Variants in SYNPR observed in about 807,000 individuals in gnomAD.
SYNPR encodes the protein synaptoporin.
A neutral mutation model predicts 32.9 loss-of-function variants in SYNPR; 23 were observed. The observed-to-expected ratio is 0.70, with a 90% confidence interval of 0.50 to 0.99. The LOEUF is 0.99. Among genes scored for constraint, SYNPR ranks in the 50% least tolerant of loss-of-function variants. SYNPR has a pLI of 0.00. For missense variants in SYNPR, 318 were observed against 349.3 expected, an observed-to-expected ratio of 0.91 and a Z score of 0.71; for synonymous variants, 146 against 135.9, an observed-to-expected ratio of 1.07 and a Z score of -0.52.
At chr3:63,285,752 T>C (rs2086674555) in intron 2 of SYNPR, among the ~76,000 whole-genome samples, 1 of 152,214 alleles carries the variant, frequency 6.6e-6, no homozygotes, top group Admixed American at 6.5e-5. Flanking sequence ...TATTTTTTAC[T>C]AGCTTTGTTA....
intron 2 of SYNPR, among the ~76,000 whole-genome samples, chr3:63,420,206 C>T (rs539532421): frequency 6.6e-6 from 1 of 152,104 alleles, no homozygotes; most frequent in Non-Finnish European, 1.5e-5. Flanking sequence ...TTTCAGGTAT[C>T]CTGGTAAATT....
chr3:63,334,544 G>C (rs895879038), intron 2 of SYNPR, among the ~76,000 whole-genome samples: 3 of 123,838 alleles, frequency 2.4e-5, no homozygotes, highest in Non-Finnish European at 5.5e-5. Context: ...GTGTGTGTGT[G>C]TGTGTGTGTG....
At chr3:63,208,578 A>G in the SYNPR span, among the ~76,000 whole-genome samples, 1 of 152,178 alleles carries the variant, frequency 6.6e-6, no homozygotes, top group East Asian at 1.9e-4. Context: ...TGTTTTGGAG[A>G]TGTCTGGTAT....
chr3:63,559,070 C>CTTTT (rs34219166), intron 4 of SYNPR, among the ~76,000 whole-genome samples: 1 of 126,176 alleles, frequency 7.9e-6, no homozygotes, highest in Non-Finnish European at 1.7e-5. Flanking sequence ...TCAATACTTT[C>CTTTT]TTTTTTTTTT....
At chr3:63,387,001 A>T (rs996331040) in intron 2 of SYNPR, among the ~76,000 whole-genome samples, 1 of 152,214 alleles carries the variant, frequency 6.6e-6, no homozygotes, top group Non-Finnish European at 1.5e-5. Flanking sequence ...CTCTGGGATC[A>T]GTTTGTTATT....
intron 2 of SYNPR, among the ~76,000 whole-genome samples, chr3:63,356,940 T>C (rs940086260): frequency 6.6e-6 from 1 of 152,200 alleles, no homozygotes; most frequent in Non-Finnish European, 1.5e-5. Context: ...CAGGCTGTAA[T>C]CTTGCCTGTT....
chr3:63,442,217 C>G (rs940803430), intron 2 of SYNPR, among the ~76,000 whole-genome samples: 9 of 132,404 alleles, frequency 6.8e-5, no homozygotes, highest in South Asian at 6.7e-4. Context: ...GAGAAGGAGA[C>G]AGAGATACAA....
intron 2 of SYNPR, among the ~76,000 whole-genome samples, chr3:63,442,592 T>C (rs1026640620): frequency 1.3e-5 from 2 of 152,232 alleles, no homozygotes; most frequent in Admixed American, 6.5e-5. Flanking sequence ...AACTCCTTCC[T>C]ACAGAGGTTT....
intron 2 of SYNPR, among the ~76,000 whole-genome samples, chr3:63,458,482 T>C (rs1272659424): frequency 6.6e-6 from 1 of 152,106 alleles, no homozygotes; most frequent in African/African-American, 2.4e-5. Context: ...ATTGGACCCC[T>C]TACCTGTCAT....
At chr3:63,590,801 C>A (rs1471305380) in intron 4 of SYNPR, among the ~76,000 whole-genome samples, 1 of 122,952 alleles carries the variant, frequency 8.1e-6, no homozygotes, top group Non-Finnish European at 1.7e-5. Flanking sequence ...ATACAAAAAT[C>A]AATTCAAGAT....
upstream of SYNPR, among the ~76,000 whole-genome samples, chr3:63,277,246 ATATTAT>A (rs958224116): frequency 1.3e-5 from 2 of 152,142 alleles, no homozygotes; most frequent in East Asian, 3.9e-4. Context: ...AATGGGAATA[ATATTAT>A]TATTAACTTA....
chr3:63,371,746 G>A (rs1278019278), intron 2 of SYNPR, among the ~76,000 whole-genome samples: 8 of 152,190 alleles, frequency 5.3e-5, no homozygotes, highest in Admixed American at 1.3e-4. Context: ...CCTGGACCTC[G>A]GACTCTAGCA....
intron 2 of SYNPR, among the ~76,000 whole-genome samples, chr3:63,253,366 C>T (rs1038388469): frequency 3.3e-5 from 5 of 152,144 alleles, no homozygotes; most frequent in South Asian, 2.1e-4. Context: ...CCAAAACAAA[C>T]TCTTGAATGT....
chr3:63,415,490 A>T (rs908173121), intron 2 of SYNPR, among the ~76,000 whole-genome samples: 3 of 152,184 alleles, frequency 2.0e-5, no homozygotes, highest in African/African-American at 7.2e-5. Flanking sequence ...CATATGTGAC[A>T]GTTTTTTTCT....
chr3:63,436,422 A>G (rs1474908334), intron 2 of SYNPR, among the ~76,000 whole-genome samples: 3 of 143,538 alleles, frequency 2.1e-5, no homozygotes, highest in Non-Finnish European at 3.0e-5. Context: ...TATGAGTGAG[A>G]ACATGTGGTG....
At chr3:63,524,724 T>G (rs1262992998) in intron 3 of SYNPR, among the ~76,000 whole-genome samples, 1 of 152,130 alleles carries the variant, frequency 6.6e-6, no homozygotes, top group Non-Finnish European at 1.5e-5. Context: ...AAGAAGTTTC[T>G]CCTTAAGAAA....
rs73118721 is a variant in SYNPR at position 63,530,940 on chromosome 3, T to C, written c.210-25603T>C. Among the ~76,000 whole-genome samples, 591 of 152,212 alleles carry C rather than the reference T, an allele frequency of 3.9e-3. 3 individuals carry two copies. The highest frequency in any genetic ancestry group is 7.1e-3 in the Non-Finnish European group (482 of 68,020). On this transcript the variant is annotated intron_variant, in intron 3 of 5. Coordinates refer to ENST00000478300, the MANE Select transcript of SYNPR (RefSeq NM_001130003.2). ...CCCAGGCTTTGTGGGGGAGTTTTCATTTGAGCTGAATTTGAATGATGAGTA... is the reference window on the plus strand; with the variant it reads ...CCCAGGCTTTGTGGGGGAGTTTTCACTTGAGCTGAATTTGAATGATGAGTA...
At chr3:63,320,754 G>A (rs2087103145) in intron 2 of SYNPR, among the ~76,000 whole-genome samples, 1 of 152,024 alleles carries the variant, frequency 6.6e-6, no homozygotes, top group African/African-American at 2.4e-5. Flanking sequence ...TTTGTTTAGT[G>A]ACTTTATTCA....
chr3:63,261,268 T>C (rs1417424578), intron 2 of SYNPR, among the ~76,000 whole-genome samples: 1 of 152,114 alleles, frequency 6.6e-6, no homozygotes, highest in Non-Finnish European at 1.5e-5. Context: ...CATGCACATG[T>C]ATGTTTATTG....
Sources: allele counts gnomAD v4.1 joint callset (sites outside exome capture counted in the v4.1 genomes callset), GRCh38; gene constraint gnomAD v4.1.1; transcripts MANE v1.5; gene names NCBI Gene and HGNC (gene_info 2026-07-23, HGNC 2026-07-21).